MYO3B: variants seen among roughly 807,000 people sequenced by gnomAD.
MYO3B encodes the protein myosin-IIIb.
A neutral mutation model predicts 174.6 loss-of-function variants in MYO3B; 156 were observed. The observed-to-expected ratio is 0.89, with a 90% CI of 0.78 to 1.02. MYO3B has a LOEUF of 1.02. Among genes scored for constraint, MYO3B ranks in the 50% least tolerant of loss-of-function variants. The pLI is 0.00. For synonymous variants in MYO3B, 563 were observed against 569.1 expected, an observed-to-expected ratio of 0.99 and a Z score of 0.15; for missense variants, 1,632 against 1,639.4, an observed-to-expected ratio of 1.00 and a Z score of 0.08.
At chr2:170,519,802 G>A (rs1575108918) in intron 30 of MYO3B, 4 of 310,274 alleles carry the variant, frequency 1.3e-5, no homozygotes, top group East Asian at 8.4e-5. Context: ...GCAAAACCCC[G>A]CCTCTACTAA....
intron 32 of MYO3B, among the ~76,000 whole-genome samples, chr2:170,576,745 C>G (rs1692812742): frequency 6.6e-6 from 1 of 152,154 alleles, no homozygotes; most frequent in African/African-American, 2.4e-5. Flanking sequence ...ATAGTTGATG[C>G]TTATAATTTT....
chr2:170,649,021 ATATATAAAATAATATATAATGTATAT>A (rs1559200667), intron 32 of MYO3B, among the ~76,000 whole-genome samples: 15 of 52,692 alleles, frequency 2.8e-4, no homozygotes, highest in South Asian at 1.1e-3. Context: ...ATAATGTATA[ATATATAAAATAATATATAATGTATAT>A]TATATAAAAT....
chr2:170,324,168 T>C (rs1430432810), intron 7 of MYO3B, among the ~76,000 whole-genome samples: 2 of 152,140 alleles, frequency 1.3e-5, no homozygotes, highest in Admixed American at 6.5e-5. Flanking sequence ...TCATACAACA[T>C]TGGAATCATA....
chr2:170,560,992 G>C (rs1477542436), intron 32 of MYO3B, among the ~76,000 whole-genome samples: 2 of 152,180 alleles, frequency 1.3e-5, no homozygotes, highest in Admixed American at 1.3e-4. Context: ...GTCCAGAGCA[G>C]TCAGCTCACA....
chr2:170,483,726 A>C (rs75086402), intron 25 of MYO3B, among the ~76,000 whole-genome samples: 16,869 of 152,170 alleles, frequency 0.11, 1,127 homozygotes, highest in South Asian at 0.24. Flanking sequence ...AAAAGCAATG[A>C]AGAAAATAAC....
chr2:170,464,038 G>A (rs1684466949), intron 24 of MYO3B, among the ~76,000 whole-genome samples: 1 of 152,144 alleles, frequency 6.6e-6, no homozygotes, highest in Non-Finnish European at 1.5e-5. Context: ...GGGAGCTAAG[G>A]TCCAGATAGT....
chr2:170,352,417 TAATC>T (rs2105605523), intron 8 of MYO3B, among the ~76,000 whole-genome samples: 1 of 152,320 alleles, frequency 6.6e-6, no homozygotes, highest in Non-Finnish European at 1.5e-5. Context: ...ACAGAAAATT[TAATC>T]AATCTAACAG....
At chr2:170,480,505 G>C (rs912713145) in intron 25 of MYO3B, among the ~76,000 whole-genome samples, 41 of 152,194 alleles carry the variant, frequency 2.7e-4, no homozygotes, top group Non-Finnish European at 4.4e-5. Context: ...GTAAAAGTAA[G>C]TGTTTCCCTG....
At chr2:170,479,777 A>G (rs1207415311) in intron 25 of MYO3B, among the ~76,000 whole-genome samples, 1 of 148,016 alleles carries the variant, frequency 6.8e-6, no homozygotes, top group African/African-American at 2.5e-5. Flanking sequence ...CTGAATGTTA[A>G]CTTTGTAATA....
intron 9 of MYO3B, among the ~76,000 whole-genome samples, chr2:170,373,646 G>A (rs1480335573): frequency 2.0e-5 from 3 of 152,192 alleles, no homozygotes; most frequent in South Asian, 2.1e-4. Flanking sequence ...GGGAGACAAC[G>A]AAGACAGAAG....
intron 22 of MYO3B, among the ~76,000 whole-genome samples, chr2:170,428,270 T>A (rs1453146238): frequency 6.6e-6 from 1 of 152,240 alleles, no homozygotes; most frequent in African/African-American, 2.4e-5. Flanking sequence ...CTAAGCTTCC[T>A]CCATTTATCT....
chr2:170,349,471 A>G (rs2094043525), intron 8 of MYO3B: 1 of 152,124 alleles, frequency 6.6e-6, no homozygotes, highest in African/African-American at 2.4e-5. Context: ...TTGAAGAACC[A>G]CGAATTCTTT....
chr2:170,181,524 A>G (rs551387334), intron 1 of MYO3B, among the ~76,000 whole-genome samples: 1 of 152,276 alleles, frequency 6.6e-6, no homozygotes, highest in Non-Finnish European at 1.5e-5. Context: ...AGGTGAAAGC[A>G]TTCGGTTTTT....
chr2:170,654,015 AG>A lies in MYO3B; in HGVS notation c.*895del, dbSNP rs1191636787. 1 of 152,224 alleles carries A rather than the reference AG, an allele frequency of 6.6e-6. No individual in the cohort carries two copies. Among genetic ancestry groups the A allele is most frequent in the African/African-American group, 2.4e-5 (1 of 41,456 alleles). The allele number at this position is 152,224 out of a possible 1,614,324, so 9.4% of individuals were successfully genotyped here. ...ACAGGGCTTGGTAGAGGGTATATCT[AG>A]TGAATGGAGAATACATGGAGAAACT... is the stretch of plus-strand genomic sequence containing the variant. On this transcript the variant is annotated 3_prime_UTR_variant, in exon 35 of 35. Coordinates refer to ENST00000408978, the MANE Select transcript of MYO3B (RefSeq NM_138995.5).
intron 16 of MYO3B, among the ~76,000 whole-genome samples, chr2:170,399,797 C>T (rs1203945333): frequency 1.2e-4 from 19 of 152,208 alleles, no homozygotes; most frequent in Admixed American, 1.0e-3. Flanking sequence ...GATTAGTTAT[C>T]TCTTAATAAC....
intron 7 of MYO3B, among the ~76,000 whole-genome samples, chr2:170,253,318 G>GA (rs1432679095): frequency 6.6e-6 from 1 of 152,174 alleles, no homozygotes; most frequent in East Asian, 1.9e-4. Flanking sequence ...AGGACTTACT[G>GA]AAAATCTCAA....
chr2:170,623,080 A>G (rs1297268874), intron 32 of MYO3B, among the ~76,000 whole-genome samples: 1 of 152,196 alleles, frequency 6.6e-6, no homozygotes, highest in African/African-American at 2.4e-5. Context: ...TCCTTTGGGT[A>G]TATACCCAGT....
intron 7 of MYO3B, among the ~76,000 whole-genome samples, chr2:170,304,462 CTTTTTCTTTTT>C (rs2093686826): frequency 7.0e-6 from 1 of 143,128 alleles, no homozygotes; most frequent in Non-Finnish European, 1.5e-5. Context: ...TTTCTTTTTT[CTTTTTCTTTTT>C]TTTTTTTTTG....
chr2:170,179,255 A>G (rs1023417149), intron 1 of MYO3B, among the ~76,000 whole-genome samples: 2 of 152,222 alleles, frequency 1.3e-5, no homozygotes, highest in African/African-American at 4.8e-5. Flanking sequence ...CAGTGGAACC[A>G]TAAAGGTCAG....
Sources: gnomAD v4.1 joint callset for allele counts (sites outside exome capture counted in the v4.1 genomes callset) on GRCh38, gnomAD v4.1.1 for gene constraint, MANE v1.5 for transcripts, NCBI Gene and HGNC (gene_info 2026-07-23, HGNC 2026-07-21) for gene names.